MBNL1: variants seen among roughly 807,000 people sequenced by gnomAD.
MBNL1 encodes the protein muscleblind-like protein 1.
Under a neutral mutation model 42.2 loss-of-function variants are expected in MBNL1, and 8 were observed. That is an observed-to-expected ratio of 0.19 (90% CI 0.11 to 0.34). The LOEUF is 0.34. Among genes scored for constraint, MBNL1 ranks in the 10% least tolerant of loss-of-function variants. The pLI is 1.00. For missense variants in MBNL1, 309 were observed against 495.3 expected, an observed-to-expected ratio of 0.62 and a Z score of 3.57; for synonymous variants, 169 against 173.9, an observed-to-expected ratio of 0.97 and a Z score of 0.22.
chr3:152,294,948 A>G (rs2057939844), intron 1 of MBNL1, among the ~76,000 whole-genome samples: 1 of 152,234 alleles, frequency 6.6e-6, no homozygotes. Context: ...ATAATCTGAT[A>G]TCAGCAGTTT....
intron 2 of MBNL1, among the ~76,000 whole-genome samples, chr3:152,404,698 A>G (rs1034212202): frequency 6.6e-6 from 1 of 151,058 alleles, no homozygotes; most frequent in Non-Finnish European, 1.5e-5. Flanking sequence ...TTACATATAT[A>G]TGTATGTATA....
chr3:152,243,908 C>G (rs944289864), exon 1 of MBNL1: 1 of 152,376 alleles, frequency 6.6e-6, no homozygotes, highest in Non-Finnish European at 1.5e-5. Flanking sequence ...TGAGTTCAAG[C>G]GATTCTCCTG....
chr3:152,422,051 T>C (rs2098813985), intron 3 of MBNL1, among the ~76,000 whole-genome samples: 1 of 152,008 alleles, frequency 6.6e-6, no homozygotes, highest in Non-Finnish European at 1.5e-5. Flanking sequence ...GCTAGCATCA[T>C]AATGACAGGA....
At chr3:152,453,590 T>C (rs1727810810) in intron 6 of MBNL1, among the ~76,000 whole-genome samples, 1 of 152,240 alleles carries the variant, frequency 6.6e-6, no homozygotes, top group Admixed American at 6.5e-5. Context: ...ATTTCAAAAG[T>C]GATTTTCATT....
intron 2 of MBNL1, among the ~76,000 whole-genome samples, chr3:152,347,346 A>G (rs2094418363): frequency 6.6e-6 from 1 of 152,140 alleles, no homozygotes; most frequent in African/African-American, 2.4e-5. Context: ...AAAAGCATTA[A>G]TTGACACTTT....
At position 152,249,414 on chromosome 3, in the gene MBNL1, T is replaced by C. The variant is rs1156229536; in HGVS notation, n.333+4974T>C. ...TGTGTTTTTTGGCTGCATAAATGTC[T>C]TCTTTTGAGAAGTGTCTGTTCATAT... On this transcript the variant is annotated intron_variant and non_coding_transcript_variant, in intron 2 of 2. Transcript: ENST00000477171. Among the ~76,000 whole-genome samples, 4 of 122,474 alleles carry C rather than the reference T, an allele frequency of 3.3e-5. No homozygotes were observed. The Admixed American group carries it at 3.4e-4, about 11-fold the overall frequency. 80.3% of individuals were successfully genotyped at this position (122,474 alleles called of 152,430 possible). A position where few individuals can be genotyped will look rare whatever the true frequency, so the allele number is the denominator to read the frequency against.
intron 2 of MBNL1, among the ~76,000 whole-genome samples, chr3:152,322,637 C>T (rs1230802094): frequency 6.6e-6 from 1 of 151,954 alleles, no homozygotes; most frequent in African/African-American, 2.4e-5. Context: ...TTTTACGTGA[C>T]AGTTTTATTG....
At chr3:152,422,281 A>G (rs1446365195) in intron 3 of MBNL1, among the ~76,000 whole-genome samples, 1 of 151,666 alleles carries the variant, frequency 6.6e-6, no homozygotes, top group African/African-American at 2.4e-5. Flanking sequence ...AAAAAAAAAA[A>G]AAAAGCAGGA....
chr3:152,351,827 G>A (rs567562226), intron 2 of MBNL1, among the ~76,000 whole-genome samples: 1 of 152,226 alleles, frequency 6.6e-6, no homozygotes, highest in African/African-American at 2.4e-5. Flanking sequence ...TGCAAACAGG[G>A]TCTAGCACAT....
chr3:152,392,665 A>G (rs1008155278), intron 2 of MBNL1, among the ~76,000 whole-genome samples: 2 of 152,222 alleles, frequency 1.3e-5, no homozygotes, highest in Non-Finnish European at 2.9e-5. Context: ...AAATTATGTA[A>G]TAGCCTTAAC....
chr3:152,371,750 A>G (rs746816479), intron 2 of MBNL1, among the ~76,000 whole-genome samples: 3 of 151,644 alleles, frequency 2.0e-5, no homozygotes, highest in African/African-American at 7.3e-5. Context: ...ATTCCTTTCA[A>G]CCTTGGTGAA....
At position 152,459,429 on chromosome 3, in the gene MBNL1, C is replaced by T. The variant is rs75748187; in HGVS notation, c.*18+84C>T. 0.013 allele frequency: 7,663 copies of T among 597,466 alleles called. 488 individuals carry two copies. In the African/African-American group the frequency reaches 0.14, roughly 11 times the overall value. 37.0% of individuals were successfully genotyped at this position (597,466 alleles called of 1,614,324 possible). ...ATTGTATAGTGCACTTAAAATTTTG[C>T]GAAATCTCTGAGAAAATATATACAG... is the stretch of plus-strand genomic sequence containing the variant. On this transcript the variant is annotated intron_variant, in intron 9 of 9. Transcript: ENST00000324210.
At chr3:152,263,592 C>A (rs1025629439), upstream of MBNL1, 1 of 152,210 alleles carries the variant, frequency 6.6e-6, no homozygotes, top group Admixed American at 6.5e-5. Context: ...GCCTCCTAGA[C>A]AGAGCCCACT....
intron 2 of MBNL1, among the ~76,000 whole-genome samples, chr3:152,366,908 A>G (rs970013878): frequency 6.6e-6 from 1 of 152,178 alleles, no homozygotes; most frequent in Non-Finnish European, 1.5e-5. Context: ...AATATTAGAC[A>G]TTAATAATTT....
chr3:152,277,554 A>G (rs2045974570), intron 1 of MBNL1, among the ~76,000 whole-genome samples: 1 of 151,886 alleles, frequency 6.6e-6, no homozygotes, highest in Non-Finnish European at 1.5e-5. Flanking sequence ...ACTATTATAA[A>G]CAGAATGATT....
intron 2 of MBNL1, among the ~76,000 whole-genome samples, chr3:152,247,035 T>C (rs2033217835): frequency 1.3e-5 from 2 of 152,194 alleles, no homozygotes; most frequent in Non-Finnish European, 2.9e-5. Flanking sequence ...CATAAATTAC[T>C]GAACTTCCAA....
intron 2 of MBNL1, among the ~76,000 whole-genome samples, chr3:152,254,906 G>A (rs2035229173): frequency 6.6e-6 from 1 of 152,094 alleles, no homozygotes; most frequent in South Asian, 2.1e-4. Context: ...AGTTCAGAGA[G>A]GTAGGTAGCT....
Position 152,395,326 on chromosome 3 carries a change from T to C in MBNL1, c.175-19615T>C, listed in dbSNP as rs564544310. On this transcript the variant is annotated intron_variant, in intron 2 of 9. Coordinates refer to ENST00000324210, the MANE Select transcript of MBNL1 (RefSeq NM_021038.5). The stretch of plus-strand genomic sequence containing the variant: ...ACATTTTCATTATTTTGTGGCATAA[T>C]ATAAATTATTTTAAACTTTTTGTTT... Among the ~76,000 whole-genome samples, 5 of 152,360 alleles carry C rather than the reference T, an allele frequency of 3.3e-5. No homozygotes were observed. In the South Asian group the frequency reaches 1.0e-3, roughly 32 times the overall value.
intron 2 of MBNL1, among the ~76,000 whole-genome samples, chr3:152,312,096 G>T (rs1366866647): frequency 2.0e-5 from 3 of 151,182 alleles, no homozygotes; most frequent in East Asian, 3.9e-4. Flanking sequence ...GGAGGCTGAG[G>T]CGGGAGAATG....
Sources: gnomAD v4.1 joint callset for allele counts (sites outside exome capture counted in the v4.1 genomes callset) on GRCh38, gnomAD v4.1.1 for gene constraint, MANE v1.5 for transcripts, NCBI Gene and HGNC (gene_info 2026-07-23, HGNC 2026-07-21) for gene names.